BTD: variants seen among roughly 807,000 people sequenced by gnomAD.
BTD encodes biocytinase.
A neutral mutation model predicts 17.7 loss-of-function variants in BTD; 13 were observed. The ratio of observed to expected loss-of-function variants is 0.74; its 90% CI spans 0.48 to 1.17. The LOEUF (loss-of-function observed/expected upper bound fraction) is 1.17. Ranked by LOEUF, BTD falls within the 50% of genes most tolerant of loss-of-function variation. The probability of loss-of-function intolerance (pLI) is 0.00; values close to 1 mark genes in which losing one functional copy is unlikely to be tolerated. For synonymous variants in BTD, 240 were observed against 245.2 expected, an observed-to-expected ratio of 0.98 and a Z score of 0.20; for missense variants, 674 against 650.4, an observed-to-expected ratio of 1.04 and a Z score of -0.39.
chr3:15,619,331 CT>C (rs1559582828), intron 1 of BTD, among the ~76,000 whole-genome samples: 1 of 151,902 alleles, frequency 6.6e-6, no homozygotes, highest in Admixed American at 6.6e-5. Context: ...TTTTTCTTTT[CT>C]TTTTTTGAGA....
In BTD at chr3:15,646,716, A is replaced by G. The variant is rs1439066508; in HGVS notation, c.*1228A>G. The G allele has an allele frequency of 2.0e-5, 3 of 152,232 alleles. No individual in the cohort carries two copies. The highest frequency in any genetic ancestry group is 2.9e-5 in the Non-Finnish European group (2 of 68,040). The allele number at this position is 152,232 out of a possible 1,614,324, so 9.4% of individuals were successfully genotyped here. A position where few individuals can be genotyped will look rare whatever the true frequency, so the allele number is the denominator to read the frequency against. On this transcript the variant is annotated 3_prime_UTR_variant, in exon 4 of 4. Transcript: ENST00000643237. The stretch of plus-strand genomic sequence containing the variant: ...TAGTCTTCAGTGATTTGCCTCTTAA[A>G]TGTGGCCATTTAGTTTGAACTCCTT...
intron 3 of BTD, chr3:15,707,832 G>T: frequency 6.9e-7 from 1 of 1,450,760 alleles, no homozygotes; most frequent in Non-Finnish European, 9.3e-7. Flanking sequence ...AAAATACAAA[G>T]AGGAAACACA....
At position 15,658,994 on chromosome 3, in the gene BTD, G is replaced by T. The variant is rs186177465; in HGVS notation, c.399+16937G>T. Among the ~76,000 whole-genome samples the T allele has an allele frequency of 4.6e-5, 7 of 152,214 alleles. No homozygotes were observed. The East Asian group carries it at 1.4e-3, about 29-fold the overall frequency. On this transcript the variant is annotated intron_variant, in intron 3 of 3. Transcript: ENST00000672141. ...CTGCTGCCTCCCACTGATCACAGGG[G>T]GCTGTATGTATCTGTCCCCATGTCC... is the stretch of plus-strand genomic sequence containing the variant.
chr3:15,698,326 G>C (rs1195966084), intron 3 of BTD, among the ~76,000 whole-genome samples: 1 of 152,096 alleles, frequency 6.6e-6, no homozygotes, highest in Non-Finnish European at 1.5e-5. Context: ...TTGAAAACTG[G>C]CACAAGACAG....
intron 3 of BTD, chr3:15,676,938 G>T: frequency 3.3e-6 from 5 of 1,530,890 alleles, no homozygotes; most frequent in Non-Finnish European, 4.5e-6. Flanking sequence ...ATAATTATAG[G>T]TCACAAAGTT....
intron 2 of BTD, among the ~76,000 whole-genome samples, chr3:15,641,144 C>T (rs375723622): frequency 1.9e-3 from 289 of 152,234 alleles, no homozygotes; most frequent in African/African-American, 6.4e-3. Flanking sequence ...CAGGGAGTTC[C>T]GGGCCATCAC....
At chr3:15,643,412 G>A (rs188157031) in intron 3 of BTD, among the ~76,000 whole-genome samples, 514 of 152,218 alleles carry the variant, frequency 3.4e-3, no homozygotes, top group Admixed American at 7.0e-3. Context: ...GAGATAGGAG[G>A]ATGGCTTGAG....
chr3:15,650,484 T>C lies in BTD; in HGVS notation c.*4996T>C, dbSNP rs2065784974. Among the ~76,000 whole-genome samples, 1 of 151,952 alleles carries C rather than the reference T, an allele frequency of 6.6e-6. No homozygotes were observed. The highest frequency in any genetic ancestry group is 1.5e-5 in the Non-Finnish European group (1 of 67,980). The stretch of plus-strand genomic sequence containing the variant: ...AACTCGTAACTGGGGAGTCTAAGAA[T>C]AAATTCTCTTCAGCCATTGCTGAAT... On this transcript the variant is annotated 3_prime_UTR_variant, in exon 4 of 4. Coordinates refer to ENST00000643237, the MANE Select transcript of BTD (RefSeq NM_001370658.1).
chr3:15,636,879 A>AC (rs71045173), intron 2 of BTD, among the ~76,000 whole-genome samples: 151,317 of 151,322 alleles, frequency 1, 75,656 homozygotes, highest in Non-Finnish European at 1. Context: ...TTCAACCAAG[A>AC]CAACTTTTGC....
At chr3:15,615,284 T>C (rs2064760666) in intron 1 of BTD, among the ~76,000 whole-genome samples, 1 of 152,238 alleles carries the variant, frequency 6.6e-6, no homozygotes, top group Non-Finnish European at 1.5e-5. Flanking sequence ...CCTTTGATTA[T>C]GTTGGTTATG....
At chr3:15,639,018 G>A (rs2471809) in intron 2 of BTD, among the ~76,000 whole-genome samples, 39,648 of 152,096 alleles carry the variant, frequency 0.26, 5,321 homozygotes, top group African/African-American at 0.29. Flanking sequence ...ATTCATAGGG[G>A]AAAAACGGAG....
chr3:15,689,481 A>G (rs2068528737), intron 3 of BTD, among the ~76,000 whole-genome samples: 1 of 152,212 alleles, frequency 6.6e-6, no homozygotes. Context: ...GGAGGCTGCC[A>G]AGGTTGTTTT....
intron 4 of BTD, among the ~76,000 whole-genome samples, chr3:15,719,694 G>C (rs536953869): frequency 5.3e-4 from 80 of 151,928 alleles, no homozygotes; most frequent in African/African-American, 1.8e-3. Flanking sequence ...TCAGCCTCCT[G>C]AGTACCTAGG....
intron 1 of BTD, among the ~76,000 whole-genome samples, chr3:15,620,254 T>C (rs13320591): frequency 0.043 from 6,551 of 152,230 alleles, 401 homozygotes; most frequent in African/African-American, 0.14. Context: ...TGCAGGAGAC[T>C]AGGACTTATC....
intron 3 of BTD, chr3:15,690,353 G>A (rs114116376): frequency 1.2e-4 from 87 of 717,786 alleles, no homozygotes; most frequent in Non-Finnish European, 1.9e-4. Context: ...CTTCTACATC[G>A]AGAATTCAGG....
intron 4 of BTD, among the ~76,000 whole-genome samples, chr3:15,721,661 A>G (rs2073746966): frequency 6.6e-6 from 1 of 152,240 alleles, no homozygotes; most frequent in South Asian, 2.1e-4. Flanking sequence ...GGCTCTAAAT[A>G]TCTTCCAGTG....
At chr3:15,718,792 G>A (rs962007653) in intron 4 of BTD, among the ~76,000 whole-genome samples, 1 of 152,164 alleles carries the variant, frequency 6.6e-6, no homozygotes, top group African/African-American at 2.4e-5. Context: ...GTCTCACAGA[G>A]ACTGAGAAAA....
chr3:15,714,033 T>C (rs190233275), downstream of BTD, among the ~76,000 whole-genome samples: 192 of 152,314 alleles, frequency 1.3e-3, 3 homozygotes, highest in Non-Finnish European at 1.4e-3. Flanking sequence ...TTTCAACTTT[T>C]CCCCTGCAAA....
intron 1 of BTD, chr3:15,632,866 G>C (rs934237746): frequency 1.3e-5 from 2 of 152,196 alleles, no homozygotes; most frequent in Admixed American, 1.3e-4. Context: ...TTCCTGAGAA[G>C]GTATGTGTGA....
Sources: gnomAD v4.1 joint callset for allele counts (sites outside exome capture counted in the v4.1 genomes callset) on GRCh38, gnomAD v4.1.1 for gene constraint, MANE v1.5 for transcripts, NCBI Gene and HGNC (gene_info 2026-07-23, HGNC 2026-07-21) for gene names.